CPQ: variants seen among roughly 807,000 people sequenced by gnomAD.
CPQ encodes the protein Ser-Met dipeptidase.
A neutral mutation model predicts 45.7 loss-of-function variants in CPQ; 37 were observed. That is an observed-to-expected ratio of 0.81 (90% CI 0.62 to 1.07). CPQ has a LOEUF of 1.07. Among genes scored for constraint, CPQ ranks in the 50% least tolerant of loss-of-function variants. CPQ has a pLI of 0.00. For missense variants in CPQ, 537 were observed against 572.9 expected (o/e 0.94, Z 0.64); for synonymous variants, 186 against 205.8 (o/e 0.90, Z 0.82).
intron 4 of CPQ, among the ~76,000 whole-genome samples, chr8:96,955,225 G>C (rs1047629215): frequency 1.3e-5 from 2 of 152,152 alleles, no homozygotes; most frequent in African/African-American, 4.8e-5. Flanking sequence ...CAGTGTAAAA[G>C]TGTTCCTCTT....
intron 5 of CPQ, among the ~76,000 whole-genome samples, chr8:97,006,133 C>T (rs1212020563): frequency 6.6e-6 from 1 of 152,112 alleles, no homozygotes; most frequent in East Asian, 1.9e-4. Context: ...GTCCTTGGAC[C>T]TGTGGTTTTT....
intron 4 of CPQ, among the ~76,000 whole-genome samples, chr8:96,881,520 C>G (rs1812223205): frequency 6.6e-6 from 1 of 152,212 alleles, no homozygotes; most frequent in African/African-American, 2.4e-5. Flanking sequence ...ATTCGAATTA[C>G]AATTCCACAT....
chr8:97,004,030 T>C (rs1392245055), intron 5 of CPQ, among the ~76,000 whole-genome samples: 1 of 152,140 alleles, frequency 6.6e-6, no homozygotes, highest in East Asian at 1.9e-4. Context: ...TTTCTTTAAC[T>C]CTCCTAATTG....
At chr8:96,814,894 C>A (rs1288381845) in intron 2 of CPQ, among the ~76,000 whole-genome samples, 3 of 152,068 alleles carry the variant, frequency 2.0e-5, no homozygotes, top group African/African-American at 7.2e-5. Flanking sequence ...TGAAAAATGC[C>A]AATCACAAAA....
chr8:97,115,987 A>C (rs1811585948), intron 7 of CPQ, among the ~76,000 whole-genome samples: 1 of 152,200 alleles, frequency 6.6e-6, no homozygotes, highest in African/African-American at 2.4e-5. Context: ...AAAAGGAGGG[A>C]GTAAAATAAC....
intron 5 of CPQ, among the ~76,000 whole-genome samples, chr8:96,974,394 A>G (rs1224603403): frequency 6.6e-6 from 1 of 152,222 alleles, no homozygotes; most frequent in Non-Finnish European, 1.5e-5. Context: ...AGACCTAAGT[A>G]GTGAGATAGA....
intron 1 of CPQ, among the ~76,000 whole-genome samples, chr8:96,656,243 A>T (rs985065843): frequency 6.6e-6 from 1 of 152,182 alleles, no homozygotes; most frequent in Non-Finnish European, 1.5e-5. Flanking sequence ...TAGTTGGGTC[A>T]GGTGGTAATG....
chr8:96,675,883 GA>G (rs1440676531), intron 1 of CPQ, among the ~76,000 whole-genome samples: 1 of 151,798 alleles, frequency 6.6e-6, no homozygotes, highest in Non-Finnish European at 1.5e-5. Flanking sequence ...ATTGATATGT[GA>G]AAACTCTTTT....
At chr8:97,036,955 G>A (rs996383573) in intron 6 of CPQ, among the ~76,000 whole-genome samples, 1 of 152,092 alleles carries the variant, frequency 6.6e-6, no homozygotes, top group Non-Finnish European at 1.5e-5. Context: ...TTTTAAATAG[G>A]CTTTATTAAA....
chr8:96,978,802 A>G (rs1466186028), intron 5 of CPQ, among the ~76,000 whole-genome samples: 5 of 152,174 alleles, frequency 3.3e-5, no homozygotes. Flanking sequence ...AATGGAATAC[A>G]TACAAATCCA....
intron 1 of CPQ, among the ~76,000 whole-genome samples, chr8:96,686,718 C>T (rs1271726890): frequency 6.7e-6 from 1 of 150,330 alleles, no homozygotes; most frequent in Non-Finnish European, 1.5e-5. Context: ...TGAAGATTTT[C>T]TTTTTTTTTC....
At chr8:96,915,097 A>G (rs1221728236) in intron 4 of CPQ, among the ~76,000 whole-genome samples, 1 of 152,174 alleles carries the variant, frequency 6.6e-6, no homozygotes, top group Non-Finnish European at 1.5e-5. Context: ...TGTTTAAGGA[A>G]AGAATCAAAG....
intron 1 of CPQ, among the ~76,000 whole-genome samples, chr8:96,752,253 A>G (rs1189131473): frequency 6.6e-6 from 1 of 152,122 alleles, no homozygotes. Flanking sequence ...GATTCCTCCT[A>G]TCCATGAGCA....
chr8:96,777,110 A>G (rs973566567), intron 1 of CPQ, among the ~76,000 whole-genome samples: 4 of 152,122 alleles, frequency 2.6e-5, no homozygotes, highest in African/African-American at 9.7e-5. Context: ...TTTAAATGGA[A>G]GAAAATCTTG....
intron 4 of CPQ, among the ~76,000 whole-genome samples, chr8:96,962,839 C>A (rs1281891265): frequency 2.6e-5 from 4 of 152,140 alleles, no homozygotes; most frequent in African/African-American, 7.2e-5. Flanking sequence ...TTGTCATTAC[C>A]TAGTTTTAAA....
intron 1 of CPQ, among the ~76,000 whole-genome samples, chr8:96,689,415 A>G (rs1314648918): frequency 5.3e-5 from 8 of 152,184 alleles, no homozygotes; most frequent in Admixed American, 5.2e-4. Context: ...TCCTGTAACC[A>G]TAATGTATTT....
At chr8:96,797,655 G>T (rs769028856) in intron 2 of CPQ, among the ~76,000 whole-genome samples, 1 of 151,986 alleles carries the variant, frequency 6.6e-6, no homozygotes. Context: ...GGTGGCTCAC[G>T]CTTTTAATCT....
intron 5 of CPQ, among the ~76,000 whole-genome samples, chr8:97,006,390 C>T (rs1212186195): frequency 5.9e-5 from 9 of 152,134 alleles, no homozygotes; most frequent in Non-Finnish European, 1.2e-4. Flanking sequence ...ATCCAGCAGG[C>T]ACTCTCATAC....
chr8:96,828,613 G>A (rs541378936), intron 2 of CPQ, among the ~76,000 whole-genome samples: 1 of 152,042 alleles, frequency 6.6e-6, no homozygotes, highest in African/African-American at 2.4e-5. Flanking sequence ...GCTTGAACCT[G>A]ACTGAGGTGC....
Sources: gnomAD v4.1 joint callset for allele counts (sites outside exome capture counted in the v4.1 genomes callset) on GRCh38, gnomAD v4.1.1 for gene constraint, MANE v1.5 for transcripts, NCBI Gene and HGNC (gene_info 2026-07-23, HGNC 2026-07-21) for gene names.